LRP1B: variants seen among roughly 807,000 people sequenced by gnomAD.
LRP1B encodes LDL receptor related protein 1B, also known as low-density lipoprotein receptor-related protein 1B.
Under a neutral mutation model 556.6 loss-of-function variants are expected in LRP1B, and 217 were observed. The observed-to-expected ratio is 0.39, with a 90% CI of 0.35 to 0.44. The LOEUF (loss-of-function observed/expected upper bound fraction) is 0.44, where lower values mean the gene tolerates loss of function less well. Ranked by LOEUF, LRP1B falls within the 20% of genes least tolerant of loss-of-function variation. The pLI, the probability that LRP1B is intolerant of heterozygous loss-of-function variation, is 1.00. For missense variants in LRP1B, 5,053 were observed against 5,620.8 expected, an observed-to-expected ratio of 0.90 and a Z score of 3.23; for synonymous variants, 2,047 against 1,865.8, an observed-to-expected ratio of 1.10 and a Z score of -2.50.
chr2:141,719,523 T>C (rs1692739713), intron 2 of LRP1B, among the ~76,000 whole-genome samples: 1 of 152,108 alleles, frequency 6.6e-6, no homozygotes, highest in Non-Finnish European at 1.5e-5. Context: ...TATAACAATA[T>C]TTGTCAAGCA....
chr2:141,948,204 C>T (rs1701009360), intron 1 of LRP1B, among the ~76,000 whole-genome samples: 1 of 151,934 alleles, frequency 6.6e-6, no homozygotes, highest in African/African-American at 2.4e-5. Flanking sequence ...GAGGCTGGAA[C>T]ATGAGAATTC....
intron 32 of LRP1B, among the ~76,000 whole-genome samples, chr2:140,802,968 G>A (rs970907151): frequency 6.6e-6 from 1 of 152,018 alleles, no homozygotes; most frequent in Non-Finnish European, 1.5e-5. Flanking sequence ...TTACATTCAC[G>A]TGCTTACAAA....
At chr2:140,746,196 T>C (rs762684413) in intron 35 of LRP1B, among the ~76,000 whole-genome samples, 2 of 152,072 alleles carry the variant, frequency 1.3e-5, no homozygotes, top group Non-Finnish European at 2.9e-5. Flanking sequence ...ACTCTAACAG[T>C]GAAAGAAATG....
At chr2:141,767,856 T>C (rs931401628) in intron 2 of LRP1B, among the ~76,000 whole-genome samples, 1 of 152,144 alleles carries the variant, frequency 6.6e-6, no homozygotes, top group Non-Finnish European at 1.5e-5. Flanking sequence ...CAATTTGCAT[T>C]GAATCAAAAG....
At chr2:141,303,099 T>C (rs1406194419) in intron 3 of LRP1B, among the ~76,000 whole-genome samples, 1 of 152,108 alleles carries the variant, frequency 6.6e-6, no homozygotes, top group Non-Finnish European at 1.5e-5. Flanking sequence ...TGGAGATCTA[T>C]CTTTTTAAGA....
intron 3 of LRP1B, among the ~76,000 whole-genome samples, chr2:141,265,893 T>C (rs1684867911): frequency 6.6e-6 from 1 of 152,204 alleles, no homozygotes; most frequent in Admixed American, 6.5e-5. Flanking sequence ...TGCAGAATTG[T>C]TTCTGAGAAG....
chr2:141,907,289 G>A (rs574124553), intron 1 of LRP1B, among the ~76,000 whole-genome samples: 2 of 151,476 alleles, frequency 1.3e-5, no homozygotes, highest in South Asian at 2.1e-4. Context: ...CTCAATTCTC[G>A]GTGATGGCAC....
intron 3 of LRP1B, among the ~76,000 whole-genome samples, chr2:141,285,089 C>A (rs1221675287): frequency 1.3e-5 from 2 of 151,300 alleles, no homozygotes; most frequent in Non-Finnish European, 2.9e-5. Context: ...CTATATAAAC[C>A]CATATTTCAT....
At chr2:140,639,015 C>G (rs1443744508) in intron 41 of LRP1B, among the ~76,000 whole-genome samples, 1 of 151,656 alleles carries the variant, frequency 6.6e-6, no homozygotes, top group East Asian at 1.9e-4. Flanking sequence ...TTGCCAGTTG[C>G]TTATTATTCT....
chr2:142,008,431 C>T lies in LRP1B; in HGVS notation c.82+122217G>A, dbSNP rs577926865. ...GCACGGATTCAAATGCAGCCTTACA[C>T]GGGATCCTTTCCTGATTTCTCTGGA... On this transcript the variant is annotated intron_variant, in intron 1 of 90. Coordinates refer to ENST00000389484, the MANE Select transcript of LRP1B (RefSeq NM_018557.3). 1.1e-4 allele frequency among the ~76,000 whole-genome samples: 16 copies of T among 152,146 alleles called. No homozygotes were observed. The East Asian group carries it at 3.1e-3, about 29-fold the overall frequency.
intron 6 of LRP1B, among the ~76,000 whole-genome samples, chr2:141,211,898 G>C (rs1682570663): frequency 6.6e-6 from 1 of 151,992 alleles, no homozygotes; most frequent in Non-Finnish European, 1.5e-5. Context: ...TGAAATTCCA[G>C]TTACCAACAG....
intron 7 of LRP1B, among the ~76,000 whole-genome samples, chr2:141,122,405 GAAAAA>G (rs56871197): frequency 0.25 from 35,698 of 144,726 alleles, 4,792 homozygotes; most frequent in East Asian, 0.47. Flanking sequence ...AAACTTACAA[GAAAAA>G]AAAAAAAAAA....
rs1699353430 is a variant in LRP1B, at chr2:141,062,139, A to G, written c.1148T>C (p.Leu383Ser). Residue 383 changes from leucine (L) to serine (S), a missense_variant, in exon 8 of 91, where the codon TTG becomes TCG. Leu to Ser is a moderately radical substitution (Grantham distance 145). This residue lies in a region of LRP1B where 3,619 missense variants were observed against 3,931.9 expected (regional missense o/e 0.92). Coordinates refer to ENST00000389484, the MANE Select transcript of LRP1B (RefSeq NM_018557.3). Reference protein sequence around the residue: ...AALALDLVNKLVYWVDLYLDY... With the variant: ...AALALDLVNKSVYWVDLYLDY... ...CAAGTAAAGATCTACCCAGTAAACC[A>G]ATTTGTTGACTAGGTCTAGTGCCAG... 1 of 1,612,002 alleles carries G rather than the reference A, an allele frequency of 6.2e-7. No homozygotes were observed. Among genetic ancestry groups the G allele is most frequent in the Middle Eastern group, 1.6e-4 (1 of 6,068 alleles).
intron 3 of LRP1B, among the ~76,000 whole-genome samples, chr2:141,382,392 C>T (rs1689675054): frequency 2.0e-5 from 3 of 152,246 alleles, no homozygotes; most frequent in Non-Finnish European, 4.4e-5. Flanking sequence ...TCTCCTGCTA[C>T]ACTCAGAGAA....
At chr2:141,515,313 A>AT (rs1176555607) in intron 2 of LRP1B, among the ~76,000 whole-genome samples, 1 of 151,978 alleles carries the variant, frequency 6.6e-6, no homozygotes, top group East Asian at 1.9e-4. Flanking sequence ...AAGAAAAAAA[A>AT]AAAAGAAGTA....
chr2:140,415,037 G>A (rs1558866175), intron 66 of LRP1B, among the ~76,000 whole-genome samples: 2 of 152,280 alleles, frequency 1.3e-5, no homozygotes, highest in South Asian at 2.1e-4. Flanking sequence ...CTCTGGGAAT[G>A]TCTGTCTTAT....
Position 140,541,752 on chromosome 2 carries a change from A to C in LRP1B, c.7387+27T>G, listed in dbSNP as rs1472568120. 4 of 1,540,292 alleles carry C rather than the reference A, an allele frequency of 2.6e-6. No individual in the cohort carries two copies. In the African/African-American group the frequency reaches 5.4e-5, roughly 21 times the overall value. ...AGATCAGAGATTATACAATGAAAAA[A>C]CACATTTGCTTTCTATTATAACTTA... On this transcript the variant is annotated intron_variant, in intron 44 of 90. Coordinates refer to ENST00000389484, the MANE Select transcript of LRP1B (RefSeq NM_018557.3).
At chr2:140,885,356 CTT>C (rs548264984) in intron 24 of LRP1B, among the ~76,000 whole-genome samples, 55 of 138,770 alleles carry the variant, frequency 4.0e-4, no homozygotes, top group Admixed American at 5.1e-4. Context: ...CAACGGCTTC[CTT>C]TTTTTTTTTT....
At chr2:140,877,328 G>A (rs1693341286) in intron 25 of LRP1B, among the ~76,000 whole-genome samples, 1 of 151,906 alleles carries the variant, frequency 6.6e-6, no homozygotes, top group South Asian at 2.1e-4. Flanking sequence ...CTTGTCACAG[G>A]ACATGAGACT....
Sources: gnomAD v4.1 joint callset for allele counts (sites outside exome capture counted in the v4.1 genomes callset) on GRCh38, gnomAD v4.1.1 for gene constraint, gnomAD v4.1.1 regional missense constraint, MANE v1.5 for transcripts, NCBI Gene and HGNC (gene_info 2026-07-23, HGNC 2026-07-21) for gene names.